The following CHSY3 variants were observed in gnomAD, a reference collection of about 807,000 sequenced individuals.
CHSY3 encodes chondroitin sulfate synthase 3, also known as N-acetylgalactosaminyl-proteoglycan 3-beta-glucuronosyltransferase 3.
Under a neutral mutation model 67.2 loss-of-function variants are expected in CHSY3, and 35 were observed. The observed-to-expected ratio is 0.52, with a 90% CI of 0.40 to 0.69. The LOEUF is 0.69. Ranked by LOEUF, CHSY3 falls within the 30% of genes least tolerant of loss-of-function variation. The pLI is 0.00. For synonymous variants in CHSY3, 474 were observed against 434.7 expected (o/e 1.09, Z -1.12); for missense variants, 1,069 against 1,138.5 (o/e 0.94, Z 0.88).
In CHSY3 at chr5:130,184,488, T is replaced by C. The variant is rs1324949053; in HGVS notation, c.1346T>C (p.Ile449Thr). ...VSKEDQQLGV[I>T]PSFNHFQPRE... ...AAAGAGGACCAGCAGCTGGGAGTGA[T>C]ACCTTCTTTCAACCACTTCCAGCCT... Residue 449 changes from isoleucine (I) to threonine (T), a missense_variant, in exon 3 of 3, where the codon ATA becomes ACA. By Grantham distance (89) the Ile-to-Thr change is moderately conservative. Transcript: ENST00000305031. 3 of 1,612,904 alleles carry C rather than the reference T, an allele frequency of 1.9e-6. No individual in the cohort carries two copies. The highest frequency in any genetic ancestry group is 2.5e-6 in the Non-Finnish European group (3 of 1,178,998).
chr5:129,957,205 G>A lies in CHSY3; in HGVS notation c.1086+48845G>A, dbSNP rs559726339. On this transcript the variant is annotated intron_variant, in intron 2 of 2. Coordinates refer to ENST00000305031, the MANE Select transcript of CHSY3 (RefSeq NM_175856.5). ...CCTCCGTCGTTATCTATGTTTCTAT[G>A]TATTTTATTCTTTTTATAGCAATTG... Among the ~76,000 whole-genome samples, 26 of 152,038 alleles carry A rather than the reference G, an allele frequency of 1.7e-4. 1 individual carries two copies. Among genetic ancestry groups the A allele is most frequent in the Middle Eastern group, 3.4e-3 (1 of 294 alleles).
chr5:130,089,833 G>T (rs1008824057), intron 2 of CHSY3, among the ~76,000 whole-genome samples: 7 of 152,168 alleles, frequency 4.6e-5, no homozygotes, highest in Non-Finnish European at 1.0e-4. Flanking sequence ...CATCCCTGAA[G>T]TCCTGATGAC....
At chr5:130,060,864 T>G (rs1242837711) in intron 2 of CHSY3, among the ~76,000 whole-genome samples, 1 of 151,556 alleles carries the variant, frequency 6.6e-6, no homozygotes. Context: ...ACCAAGGAGG[T>G]GACAGATCTC....
intron 1 of CHSY3, among the ~76,000 whole-genome samples, chr5:129,906,959 G>C (rs1172304163): frequency 6.6e-6 from 1 of 152,142 alleles, no homozygotes; most frequent in East Asian, 1.9e-4. Context: ...AGTCACTCTA[G>C]AGCAGGTTGG....
intron 2 of CHSY3, among the ~76,000 whole-genome samples, chr5:130,102,128 T>A (rs560746452): frequency 6.6e-6 from 1 of 152,226 alleles, no homozygotes; most frequent in East Asian, 1.9e-4. Context: ...GAATATATTA[T>A]CCTTGTATAT....
intron 2 of CHSY3, among the ~76,000 whole-genome samples, chr5:129,919,968 TTTACTC>T (rs1399381766): frequency 6.6e-6 from 1 of 152,152 alleles, no homozygotes; most frequent in Non-Finnish European, 1.5e-5. Flanking sequence ...ACATTCAAGA[TTTACTC>T]TTAGTTATGT....
intron 2 of CHSY3, among the ~76,000 whole-genome samples, chr5:130,006,197 A>G (rs1763868266): frequency 6.6e-6 from 1 of 152,146 alleles, no homozygotes; most frequent in Non-Finnish European, 1.5e-5. Context: ...ACAAGGAGGA[A>G]CATTTTCCAA....
intron 2 of CHSY3, among the ~76,000 whole-genome samples, chr5:130,070,760 G>A (rs1007072355): frequency 3.9e-5 from 6 of 152,006 alleles, no homozygotes; most frequent in African/African-American, 1.2e-4. Context: ...TACTGTTGAA[G>A]TGTTAATAAA....
chr5:129,963,564 G>T (rs1029021174), intron 2 of CHSY3, among the ~76,000 whole-genome samples: 2 of 152,008 alleles, frequency 1.3e-5, no homozygotes, highest in Admixed American at 6.6e-5. Context: ...TCAGTTTTCA[G>T]CTGCTTTTCA....
intron 2 of CHSY3, among the ~76,000 whole-genome samples, chr5:130,078,985 A>T (rs1340393088): frequency 1.3e-5 from 2 of 152,188 alleles, no homozygotes; most frequent in African/African-American, 4.8e-5. Context: ...GACATTAAGT[A>T]TATACTGAGA....
chr5:129,932,849 G>T (rs182163506), intron 2 of CHSY3, among the ~76,000 whole-genome samples: 22 of 151,972 alleles, frequency 1.4e-4, no homozygotes, highest in East Asian at 1.2e-3. Context: ...TAACCAATAA[G>T]ATTACTCTTG....
chr5:130,029,368 G>A (rs1443371313), intron 2 of CHSY3, among the ~76,000 whole-genome samples: 1 of 152,042 alleles, frequency 6.6e-6, no homozygotes, highest in East Asian at 1.9e-4. Flanking sequence ...CAACAAATCA[G>A]GAAATTGAGG....
At chr5:129,924,691 G>A (rs866741555) in intron 2 of CHSY3, among the ~76,000 whole-genome samples, 3 of 149,920 alleles carry the variant, frequency 2.0e-5, no homozygotes, top group African/African-American at 7.3e-5. Context: ...TTATTCTTAT[G>A]CCAGTACCTA....
intron 2 of CHSY3, among the ~76,000 whole-genome samples, chr5:130,011,721 G>T (rs1159118286): frequency 1.3e-5 from 2 of 152,144 alleles, no homozygotes; most frequent in East Asian, 3.9e-4. Flanking sequence ...AAATGCCATG[G>T]TCTCTGCCCA....
intron 2 of CHSY3, among the ~76,000 whole-genome samples, chr5:130,088,359 TTGACAAATTAAACTAAAGATC>T: frequency 1.4e-5 from 2 of 145,710 alleles, no homozygotes; most frequent in Non-Finnish European, 3.0e-5. Flanking sequence ...AAAGCCAAAA[TTGACAAATTAAACTAAAGATC>T]TAATTAAACT....
At chr5:129,934,512 T>C (rs1413853594) in intron 2 of CHSY3, among the ~76,000 whole-genome samples, 1 of 152,124 alleles carries the variant, frequency 6.6e-6, no homozygotes, top group Non-Finnish European at 1.5e-5. Flanking sequence ...TGTTCAGTAG[T>C]GTAGTTCTGT....
At position 130,184,380 on chromosome 5, in the gene CHSY3, A is replaced by C; in HGVS notation, c.1238A>C (p.Lys413Thr). The C allele has an allele frequency of 1.9e-6, 3 of 1,614,120 alleles. No homozygotes were observed. The highest frequency in any genetic ancestry group is 2.5e-6 in the Non-Finnish European group (3 of 1,179,980). ...CTGCATAATTACATGCTCAGCCGCAAAATTTCTGAACTTCGCTACCGCACC... is the reference window on the plus strand; with the variant it reads ...CTGCATAATTACATGCTCAGCCGCACAATTTCTGAACTTCGCTACCGCACC... ...YRLHNYMLSRKISELRYRTIQ... is the reference protein window; with the variant it reads ...YRLHNYMLSRTISELRYRTIQ... Residue 413 changes from lysine to threonine, a missense_variant, in exon 3 of 3, where the codon AAA becomes ACA. By Grantham distance (78) the Lys-to-Thr change is moderately conservative. This residue lies in a region of CHSY3 where 401 missense variants were observed against 395.2 expected (regional missense o/e 1.01). Coordinates refer to ENST00000305031, the MANE Select transcript of CHSY3 (RefSeq NM_175856.5).
intron 2 of CHSY3, among the ~76,000 whole-genome samples, chr5:129,922,256 C>T (rs899676609): frequency 6.6e-6 from 1 of 152,310 alleles, no homozygotes; most frequent in African/African-American, 2.4e-5. Context: ...TTAGGTTGAT[C>T]CCATATCTTG....
chr5:130,097,524 C>T (rs1443113211), intron 2 of CHSY3, among the ~76,000 whole-genome samples: 1 of 152,224 alleles, frequency 6.6e-6, no homozygotes, highest in African/African-American at 2.4e-5. Context: ...GATTCCACTA[C>T]CTACTCCTGC....
Sources: allele counts gnomAD v4.1 joint callset (sites outside exome capture counted in the v4.1 genomes callset), GRCh38; gene constraint gnomAD v4.1.1; regional missense constraint gnomAD v4.1.1; transcripts MANE v1.5; gene names NCBI Gene and HGNC (gene_info 2026-07-23, HGNC 2026-07-21).